Variants in SLA observed in about 807,000 individuals in gnomAD.
SLA encodes src-like-adapter.
In SLA, 16 loss-of-function variants were observed where a neutral mutation model predicts 30.3. That is an observed-to-expected ratio of 0.53 (90% confidence interval 0.36 to 0.80). The LOEUF (loss-of-function observed/expected upper bound fraction) is 0.80. Among genes scored for constraint, SLA ranks in the 30% least tolerant of loss-of-function variants. The pLI is 0.01. For synonymous variants in SLA, 143 were observed against 137.8 expected (o/e 1.04, Z -0.26); for missense variants, 310 against 345.2 (o/e 0.90, Z 0.81).
At chr8:133,075,477 T>C (rs1381985995) in intron 1 of SLA, among the ~76,000 whole-genome samples, 1 of 152,218 alleles carries the variant, frequency 6.6e-6, no homozygotes, top group South Asian at 2.1e-4. Context: ...AAGAACATTA[T>C]GAGATGGCAG....
intron 7 of SLA, among the ~76,000 whole-genome samples, chr8:133,044,218 G>A (rs1032228769): frequency 1.3e-5 from 2 of 152,126 alleles, no homozygotes; most frequent in African/African-American, 2.4e-5. Context: ...CTTTTCTGTA[G>A]GGTAAAGTTC....
chr8:133,101,163 T>C (rs1849195724), intron 1 of SLA, among the ~76,000 whole-genome samples: 1 of 152,108 alleles, frequency 6.6e-6, no homozygotes, highest in African/African-American at 2.4e-5. Context: ...ATCACCACCT[T>C]ACCCCCACCA....
chr8:133,068,075 C>G (rs1440819782), intron 2 of SLA, among the ~76,000 whole-genome samples: 1 of 152,194 alleles, frequency 6.6e-6, no homozygotes, highest in African/African-American at 2.4e-5. Flanking sequence ...TGATAGGATA[C>G]CTCAATCCTG....
intron 1 of SLA, among the ~76,000 whole-genome samples, chr8:133,079,947 AG>A (rs1382450783): frequency 6.6e-6 from 1 of 151,922 alleles, no homozygotes. Context: ...CTCTATGGCT[AG>A]ATGAGTGCTG....
intron 6 of SLA, among the ~76,000 whole-genome samples, chr8:133,045,387 C>CTTT (rs5895172): frequency 2.1e-3 from 136 of 65,908 alleles, no homozygotes; most frequent in African/African-American, 3.7e-3. Context: ...ATCCTCTTTG[C>CTTT]TTTTTTTTTT....
intron 1 of SLA, chr8:133,087,811 T>G (rs1846828717): frequency 1.3e-5 from 2 of 152,114 alleles, no homozygotes; most frequent in South Asian, 4.1e-4. Context: ...TGGGACTGGA[T>G]GCCTGTGAAT....
At chr8:133,088,413 A>G (rs944144335) in intron 1 of SLA, among the ~76,000 whole-genome samples, 6 of 151,986 alleles carry the variant, frequency 3.9e-5, no homozygotes, top group Admixed American at 6.6e-5. Flanking sequence ...GTGTGGGGGG[A>G]ACAATGAAAC....
At chr8:133,051,060 G>A in intron 3 of SLA, 145 bp from the exon 4 acceptor site, 3 of 620,050 alleles carry the variant, frequency 4.8e-6, no homozygotes, top group Admixed American at 5.4e-5. Context: ...TTTACAGCAA[G>A]GTCCTCTCTT....
intron 1 of SLA, chr8:133,087,833 T>A (rs1210188720): frequency 2.6e-5 from 4 of 152,094 alleles, no homozygotes; most frequent in Non-Finnish European, 4.4e-5. Context: ...TCACGTGACC[T>A]CCTCCAGCTG....
At chr8:133,059,055 G>A in intron 3 of SLA, 1 of 456,694 alleles carries the variant, frequency 2.2e-6, no homozygotes, top group Non-Finnish European at 4.4e-6. Flanking sequence ...CATGAAATGT[G>A]CAGTACCTGG....
Position 133,049,949 on chromosome 8 carries a change from A to G in SLA, c.201T>C (p.Gly67=). The change falls in exon 5 of 9, where the codon GGT becomes GGC. Residue 67 remains glycine (G), a synonymous_variant. Transcript: ENST00000338087. ...GWWKAISLST[G]RESYIPGICV... ...ATATTCCAGGGATGTAACTCTCTCGACCAGTGCTAAGAGAAATAGCTTTCC... is the reference window on the plus strand; with the variant it reads ...ATATTCCAGGGATGTAACTCTCTCGGCCAGTGCTAAGAGAAATAGCTTTCC... The G allele has an allele frequency of 3.7e-6, 6 of 1,613,796 alleles. No individual in the cohort carries two copies. Among genetic ancestry groups the G allele is most frequent in the Non-Finnish European group, 5.1e-6 (6 of 1,179,640 alleles).
intron 3 of SLA, chr8:133,059,230 A>G (rs2131318202): frequency 2.3e-6 from 1 of 438,952 alleles, no homozygotes; most frequent in Non-Finnish European, 4.6e-6. Flanking sequence ...AAATGCTACC[A>G]TGTAAGGTGG....
intron 1 of SLA, among the ~76,000 whole-genome samples, chr8:133,086,533 T>A (rs1277300034): frequency 6.6e-6 from 1 of 152,222 alleles, no homozygotes; most frequent in Non-Finnish European, 1.5e-5. Flanking sequence ...TTTAATACAT[T>A]TTTATTATCT....
At chr8:133,091,846 A>T (rs1474151549) in intron 1 of SLA, among the ~76,000 whole-genome samples, 1 of 148,808 alleles carries the variant, frequency 6.7e-6, no homozygotes. Context: ...TGTGACCATG[A>T]GTGTCTGTGT....
chr8:133,097,312 G>A (rs758107012), intron 1 of SLA, among the ~76,000 whole-genome samples: 3 of 152,134 alleles, frequency 2.0e-5, no homozygotes, highest in African/African-American at 7.2e-5. Context: ...AGCAATAAAA[G>A]CTCCAGTTTT....
At chr8:133,081,770 C>G (rs576745888) in intron 1 of SLA, among the ~76,000 whole-genome samples, 2 of 152,164 alleles carry the variant, frequency 1.3e-5, no homozygotes, top group African/African-American at 2.4e-5. Context: ...CAGCAGTGTT[C>G]CCAGAGGTTG....
chr8:133,049,346 A>G (rs189211792), intron 5 of SLA: 13 of 335,104 alleles, frequency 3.9e-5, no homozygotes, highest in Admixed American at 2.3e-4. Context: ...TAGAGCTAAT[A>G]TTTATCGAGT....
intron 3 of SLA, among the ~76,000 whole-genome samples, chr8:133,054,224 G>T (rs1336080703): frequency 6.6e-6 from 1 of 152,132 alleles, no homozygotes; most frequent in Non-Finnish European, 1.5e-5. Context: ...AGATAAATGA[G>T]TGAGGCAGAG....
At chr8:133,041,701 A>C (rs1352466329) in intron 7 of SLA, among the ~76,000 whole-genome samples, 5 of 150,468 alleles carry the variant, frequency 3.3e-5, no homozygotes, top group Non-Finnish European at 7.4e-5. Context: ...AAGAACCACC[A>C]CTCATAAGCA....
Sources: allele counts gnomAD v4.1 joint callset (sites outside exome capture counted in the v4.1 genomes callset), GRCh38; gene constraint gnomAD v4.1.1; transcripts MANE v1.5; gene names NCBI Gene and HGNC (gene_info 2026-07-23, HGNC 2026-07-21).